RTF1: variants seen among roughly 807,000 people sequenced by gnomAD.
The protein encoded by RTF1 is RTF1 homolog, Paf1/RNA polymerase II complex component.
Under a neutral mutation model 95.7 loss-of-function variants are expected in RTF1, and 10 were observed. That is an observed-to-expected ratio of 0.10 (90% CI 0.06 to 0.18). RTF1 has a LOEUF of 0.18. Among genes scored for constraint, RTF1 ranks in the 10% least tolerant of loss-of-function variants. The pLI, the probability that RTF1 is intolerant of heterozygous loss-of-function variation, is 1.00. For missense variants in RTF1, 458 were observed against 875.6 expected, an observed-to-expected ratio of 0.52 and a Z score of 6.02; for synonymous variants, 305 against 311.8, an observed-to-expected ratio of 0.98 and a Z score of 0.23.
At chr15:41,437,125 A>G (rs1475215208) in intron 1 of RTF1, among the ~76,000 whole-genome samples, 2 of 151,994 alleles carry the variant, frequency 1.3e-5, no homozygotes, top group South Asian at 2.1e-4. Context: ...CAACAAAAAA[A>G]TCTCTTTTCT....
At position 41,482,403 on chromosome 15, in the gene RTF1, C is replaced by T. The variant is rs1324004503; in HGVS notation, c.*1716C>T. The T allele has an allele frequency of 6.6e-6, 1 of 152,566 alleles. No homozygotes were observed. The highest frequency in any genetic ancestry group is 1.5e-5 in the Non-Finnish European group (1 of 68,036). 9.5% of individuals were successfully genotyped at this position (152,566 alleles called of 1,614,324 possible). On this transcript the variant is annotated 3_prime_UTR_variant, in exon 18 of 18. Transcript: ENST00000389629. ...ATCTAAAAGCTCTGCTTTGTACTTC[C>T]TCACCCTGCTTTCGTACAAGGAAGG...
At chr15:41,474,487 C>A (rs1204231427) in intron 8 of RTF1, 133 bp from the exon 9 acceptor site, 1 of 690,110 alleles carries the variant, frequency 1.4e-6, no homozygotes, top group Non-Finnish European at 2.6e-6. Context: ...TTTCTCAGAA[C>A]CCCTGGCAGC....
intron 1 of RTF1, among the ~76,000 whole-genome samples, chr15:41,432,371 G>A (rs1595426016): frequency 6.6e-6 from 1 of 151,032 alleles, no homozygotes; most frequent in Middle Eastern, 3.4e-3. Context: ...CTAATTTTTT[G>A]TATTTTTAGT....
At chr15:41,430,865 A>G (rs1487529129) in intron 1 of RTF1, among the ~76,000 whole-genome samples, 2 of 152,268 alleles carry the variant, frequency 1.3e-5, no homozygotes, top group South Asian at 2.1e-4. Flanking sequence ...CACACTGTTA[A>G]GAGAGTCTTT....
chr15:41,455,089 G>A (rs1346894645), intron 3 of RTF1, among the ~76,000 whole-genome samples: 2 of 152,128 alleles, frequency 1.3e-5, no homozygotes, highest in Non-Finnish European at 2.9e-5. Context: ...GCCAAGGCAG[G>A]CGGATCACAA....
chr15:41,455,367 C>T (rs542910542), intron 3 of RTF1, among the ~76,000 whole-genome samples: 7 of 150,764 alleles, frequency 4.6e-5, no homozygotes, highest in Non-Finnish European at 7.4e-5. Context: ...AGCCACAAAA[C>T]GGAATGAAAT....
chr15:41,451,155 G>A (rs2050787803), intron 2 of RTF1, among the ~76,000 whole-genome samples: 1 of 152,054 alleles, frequency 6.6e-6, no homozygotes, highest in Admixed American at 6.6e-5. Context: ...GAAATAGGAG[G>A]TTAATTTCTC....
In RTF1 at chr15:41,474,634, G is replaced by A. The variant is rs527797686; in HGVS notation, c.1218G>A (p.Thr406=). The part of the protein sequence containing the change: ...SKPVYRVAEI[T]GVVETAKVYQ... ...CTCTCACTTAGGTCGCTGAGATTAC[G>A]GGTGTTGTGGAAACTGCCAAAGTTT... The change falls in exon 9 of 18, where the codon ACG becomes ACA. Residue 406 remains threonine, a synonymous_variant. Coordinates refer to ENST00000389629, the MANE Select transcript of RTF1 (RefSeq NM_015138.5). 2.5e-6 allele frequency: 4 copies of A among 1,613,748 alleles called. No homozygotes were observed. The Admixed American group carries it at 5.0e-5, about 20-fold the overall frequency.
In RTF1 at chr15:41,457,865, G is replaced by A. The variant is rs1595434925; in HGVS notation, c.651G>A (p.Val217=). ...ELFNRIEKRE[V]LKRRFEIKKK... Reference sequence around the variant, plus strand: ...TCAATCGCATAGAGAAGAGGGAGGTGTTGAAAAGAAGGTAAGGTTGTCCTC... The same window carrying A: ...TCAATCGCATAGAGAAGAGGGAGGTATTGAAAAGAAGGTAAGGTTGTCCTC... The change falls in exon 4 of 18, where the codon GTG becomes GTA. Residue 217 remains valine, a synonymous_variant. Coordinates refer to ENST00000389629, the MANE Select transcript of RTF1 (RefSeq NM_015138.5). 6.2e-7 allele frequency: 1 copy of A among 1,613,348 alleles called. No individual in the cohort carries two copies. The highest frequency in any genetic ancestry group is 8.5e-7 in the Non-Finnish European group (1 of 1,179,722).
chr15:41,448,569 A>T (rs2050774394), intron 2 of RTF1, among the ~76,000 whole-genome samples: 1 of 151,782 alleles, frequency 6.6e-6, no homozygotes, highest in African/African-American at 2.4e-5. Context: ...AAATACAAAA[A>T]TTAGCTGGGT....
chr15:41,447,648 C>G (rs1253551108), intron 2 of RTF1, among the ~76,000 whole-genome samples: 2 of 152,160 alleles, frequency 1.3e-5, no homozygotes, highest in Non-Finnish European at 2.9e-5. Context: ...ACATGTACAC[C>G]TAGGAAAGCA....
In RTF1 at chr15:41,471,213, C is replaced by G; in HGVS notation, c.1067C>G (p.Pro356Arg). 1 of 1,613,250 alleles carries G rather than the reference C, an allele frequency of 6.2e-7. No homozygotes were observed. The highest frequency in any genetic ancestry group is 1.7e-4 in the Middle Eastern group (1 of 6,060). The part of the protein sequence containing the change: ...IPPKSQPVSL[P>R]EELNRVRLSR... ...CCCAAATCCCAACCAGTTTCCTTAC[C>G]TGAAGAATTGAATCGGGTTCGATTA... The change falls in exon 8 of 18, where the codon CCT becomes CGT. Residue 356 changes from proline to arginine, a missense_variant. By Grantham distance (103) the Pro-to-Arg change is moderately radical. Around this residue, in one of 11 missense-constraint regions of RTF1, gnomAD observed 150 missense variants for 275.7 expected, o/e 0.54. Coordinates refer to ENST00000389629, the MANE Select transcript of RTF1 (RefSeq NM_015138.5).
In RTF1 at chr15:41,480,201, C is replaced by G; in HGVS notation, c.1915-13C>G. On this transcript the variant is annotated splice_polypyrimidine_tract_variant and intron_variant, in intron 16 of 17. Transcript: ENST00000389629. ...TTATGCTCTTACCATTAGCTTTCCT[C>G]TTCACATTCCAGGGTCAAGGCAAAG... 6.4e-7 allele frequency: 1 copy of G among 1,558,456 alleles called. No individual in the cohort carries two copies. Among genetic ancestry groups the G allele is most frequent in the South Asian group, 1.1e-5 (1 of 89,862 alleles).
intron 2 of RTF1, 111 bp from the exon 3 acceptor site, chr15:41,452,790 G>A (rs2050795359): frequency 1.2e-6 from 1 of 829,922 alleles, no homozygotes; most frequent in Non-Finnish European, 1.7e-6. Context: ...AAGTGTATTT[G>A]TTTTGGATTC....
In RTF1 at chr15:41,480,335, G is replaced by T. The variant is rs2050965607; in HGVS notation, c.2026+10G>T. 2 of 1,564,630 alleles carry T rather than the reference G, an allele frequency of 1.3e-6. No homozygotes were observed. Among genetic ancestry groups the T allele is most frequent in the South Asian group, 1.1e-5 (1 of 90,122 alleles). On this transcript the variant is annotated intron_variant, in intron 17 of 17. Transcript: ENST00000389629. ...CAAGTTCCCAGCTCAGGTATGTGAG[G>T]GTGGGGCGGGTGGTGAGGGCTGAGA... is the stretch of plus-strand genomic sequence containing the variant.
chr15:41,452,273 A>G (rs1434798556), intron 2 of RTF1, among the ~76,000 whole-genome samples: 1 of 151,944 alleles, frequency 6.6e-6, no homozygotes, highest in African/African-American at 2.4e-5. Context: ...CTGTCTCTAC[A>G]AAAAATACAC....
chr15:41,478,354 T>C, intron 14 of RTF1, 194 bp from the exon 15 acceptor site: 3 of 549,526 alleles, frequency 5.5e-6, no homozygotes, highest in Non-Finnish European at 9.6e-6. Context: ...TGAGCTGAGA[T>C]TGCGTCACTG....
At chr15:41,431,451 G>C (rs541635287) in intron 1 of RTF1, among the ~76,000 whole-genome samples, 1 of 151,830 alleles carries the variant, frequency 6.6e-6, no homozygotes, top group Non-Finnish European at 1.5e-5. Context: ...TGCTGACCTC[G>C]TGATCCACCT....
intron 1 of RTF1, among the ~76,000 whole-genome samples, chr15:41,421,572 A>C (rs2050601640): frequency 6.6e-6 from 1 of 150,824 alleles, no homozygotes; most frequent in African/African-American, 2.4e-5. Flanking sequence ...TTGAAGTTGC[A>C]GTTACTTGTG....
Sources: gnomAD v4.1 joint callset for allele counts (sites outside exome capture counted in the v4.1 genomes callset) on GRCh38, gnomAD v4.1.1 for gene constraint, gnomAD v4.1.1 regional missense constraint, MANE v1.5 for transcripts, NCBI Gene and HGNC (gene_info 2026-07-23, HGNC 2026-07-21) for gene names.